The following L3MBTL3 variants were observed in gnomAD, a reference collection of about 807,000 sequenced individuals.
The protein encoded by L3MBTL3 is lethal(3)malignant brain tumor-like protein 3.
A neutral mutation model predicts 102.3 loss-of-function variants in L3MBTL3; 27 were observed. That is an observed-to-expected ratio of 0.26 (90% CI 0.19 to 0.36). L3MBTL3 has a LOEUF of 0.36. Among genes scored for constraint, L3MBTL3 ranks in the 10% least tolerant of loss-of-function variants. L3MBTL3 has a pLI of 1.00. For synonymous variants in L3MBTL3, 340 were observed against 320.9 expected, an observed-to-expected ratio of 1.06 and a Z score of -0.64; for missense variants, 798 against 955.3, an observed-to-expected ratio of 0.84 and a Z score of 2.17.
At chr6:130,038,045 C>A (rs1004524727) in intron 2 of L3MBTL3, among the ~76,000 whole-genome samples, 8 of 151,884 alleles carry the variant, frequency 5.3e-5, no homozygotes, top group African/African-American at 4.8e-5. Flanking sequence ...TCTGAGCCTA[C>A]CTTCTTTTAC....
At chr6:130,026,276 A>G (rs1199722371) in intron 2 of L3MBTL3, among the ~76,000 whole-genome samples, 4 of 152,084 alleles carry the variant, frequency 2.6e-5, no homozygotes, top group Non-Finnish European at 4.4e-5. Context: ...TACCTCTCAT[A>G]CTTTCACTAA....
intron 19 of L3MBTL3, among the ~76,000 whole-genome samples, chr6:130,110,543 T>A (rs888519150): frequency 2.0e-5 from 3 of 152,218 alleles, no homozygotes; most frequent in Admixed American, 6.5e-5. Context: ...CACATTGATT[T>A]TGTATCCTGA....
chr6:130,035,121 A>G (rs1779972141), intron 2 of L3MBTL3, among the ~76,000 whole-genome samples: 1 of 152,230 alleles, frequency 6.6e-6, no homozygotes, highest in South Asian at 2.1e-4. Flanking sequence ...TTAAATAAAC[A>G]TGAAACCGGA....
intron 7 of L3MBTL3, 54 bp from the exon 8 acceptor site, chr6:130,055,117 C>T: frequency 7.6e-7 from 1 of 1,316,592 alleles, no homozygotes; most frequent in East Asian, 2.3e-5. Context: ...TCTAACTATT[C>T]ACTGGTGCCA....
intron 16 of L3MBTL3, among the ~76,000 whole-genome samples, chr6:130,089,642 A>G (rs1167418120): frequency 6.6e-6 from 1 of 152,144 alleles, no homozygotes; most frequent in African/African-American, 2.4e-5. Context: ...GAATCGCCAC[A>G]CTGTCTTCCA....
At chr6:130,086,385 A>G (rs1209676345) in intron 16 of L3MBTL3, 135 bp downstream of exon 16, 7 of 646,176 alleles carry the variant, frequency 1.1e-5, no homozygotes, top group Admixed American at 2.7e-5. Flanking sequence ...TTGGCTGTGC[A>G]TCTTTGTAAA....
chr6:130,101,550 G>A (rs896816026), intron 18 of L3MBTL3, among the ~76,000 whole-genome samples: 1 of 152,178 alleles, frequency 6.6e-6, no homozygotes, highest in Non-Finnish European at 1.5e-5. Context: ...CTTGAGGAAT[G>A]AGGTGAAGGC....
intron 19 of L3MBTL3, among the ~76,000 whole-genome samples, chr6:130,105,351 A>G (rs1582577710): frequency 6.6e-6 from 1 of 152,186 alleles, no homozygotes; most frequent in Non-Finnish European, 1.5e-5. Flanking sequence ...TTTAAACTAA[A>G]GGATTGTTTT....
chr6:130,021,764 T>C (rs537418787), intron 1 of L3MBTL3, among the ~76,000 whole-genome samples: 74 of 152,352 alleles, frequency 4.9e-4, no homozygotes, highest in African/African-American at 1.6e-3. Flanking sequence ...TAGTCCCTTT[T>C]GGTTCTAAGA....
chr6:130,052,251 C>G (rs553417764), intron 6 of L3MBTL3, among the ~76,000 whole-genome samples: 1 of 151,826 alleles, frequency 6.6e-6, no homozygotes, highest in African/African-American at 2.4e-5. Flanking sequence ...GGACTACAGG[C>G]GCACGCCACC....
At chr6:130,079,476 C>T (rs927172315) in intron 14 of L3MBTL3, among the ~76,000 whole-genome samples, 2 of 152,146 alleles carry the variant, frequency 1.3e-5, no homozygotes, top group Non-Finnish European at 2.9e-5. Flanking sequence ...GCGGTTTCTT[C>T]ATAATCAAGA....
intron 12 of L3MBTL3, among the ~76,000 whole-genome samples, chr6:130,069,633 G>A (rs530368011): frequency 1.5e-3 from 227 of 152,312 alleles, no homozygotes; most frequent in African/African-American, 5.0e-3. Context: ...ATCCCAGGGA[G>A]GAAGGTCAGT....
rs1781567877 is a variant in L3MBTL3, at chr6:130,057,269, A to G, written c.668-137A>G. On this transcript the variant is annotated intron_variant, in intron 8 of 22. Transcript: ENST00000361794. ...TGGTTCTTGGGAAGACGAGCCAGGA[A>G]GAGAGACAGAGATACCAGTCCTGGA... is the stretch of plus-strand genomic sequence containing the variant. 3 of 715,406 alleles carry G rather than the reference A, an allele frequency of 4.2e-6. No homozygotes were observed. The South Asian group carries it at 4.8e-5, about 11-fold the overall frequency. 44.3% of individuals were successfully genotyped at this position (715,406 alleles called of 1,614,324 possible). A position where few individuals can be genotyped will look rare whatever the true frequency, so the allele number is the denominator to read the frequency against.
At chr6:130,040,884 C>T (rs1780378530) in intron 2 of L3MBTL3, among the ~76,000 whole-genome samples, 1 of 152,118 alleles carries the variant, frequency 6.6e-6, no homozygotes, top group African/African-American at 2.4e-5. Context: ...TTTACTTCAT[C>T]AATAATGGTC....
chr6:130,041,978 A>G (rs1038490416), intron 2 of L3MBTL3, among the ~76,000 whole-genome samples: 1 of 152,226 alleles, frequency 6.6e-6, no homozygotes, highest in Non-Finnish European at 1.5e-5. Flanking sequence ...AAAACACATC[A>G]TGAATTCATA....
At chr6:130,118,175 G>T (rs1785860563) in intron 19 of L3MBTL3, among the ~76,000 whole-genome samples, 1 of 152,092 alleles carries the variant, frequency 6.6e-6, no homozygotes, top group Non-Finnish European at 1.5e-5. Flanking sequence ...AAACACAAGT[G>T]TAAAAATAAA....
intron 8 of L3MBTL3, 113 bp from the exon 9 acceptor site, chr6:130,057,293 G>C (rs1042354558): frequency 1.3e-6 from 1 of 792,862 alleles, no homozygotes; most frequent in African/African-American, 1.7e-5. Flanking sequence ...ACCAGTCCTG[G>C]AAGTCAGAGA....
At chr6:130,058,112 C>T (rs961834587) in intron 9 of L3MBTL3, among the ~76,000 whole-genome samples, 3 of 134,504 alleles carry the variant, frequency 2.2e-5, no homozygotes, top group Admixed American at 8.2e-5. Flanking sequence ...CATTGCAGTC[C>T]GCAGTCCGGC....
chr6:130,040,495 A>G lies in L3MBTL3; in HGVS notation c.-15-2190A>G, dbSNP rs539115046. Among the ~76,000 whole-genome samples, 5 of 152,276 alleles carry G rather than the reference A, an allele frequency of 3.3e-5. No homozygotes were observed. The South Asian group carries it at 8.3e-4, about 25-fold the overall frequency. On this transcript the variant is annotated intron_variant, in intron 2 of 22. Coordinates refer to ENST00000361794, the MANE Select transcript of L3MBTL3 (RefSeq NM_032438.4). The stretch of plus-strand genomic sequence containing the variant: ...CATATTTCATTATGAAATATTTTAA[A>G]CATCACATCCATTACTATCACCACC...
Sources: allele counts gnomAD v4.1 joint callset (sites outside exome capture counted in the v4.1 genomes callset), GRCh38; gene constraint gnomAD v4.1.1; transcripts MANE v1.5; gene names NCBI Gene and HGNC (gene_info 2026-07-23, HGNC 2026-07-21).